Variants in MRTFB observed in about 807,000 individuals in gnomAD.
MRTFB encodes myocardin-related transcription factor B.
MRTFB carries 29 observed loss-of-function variants against 104.2 expected under a neutral mutation model. The ratio of observed to expected loss-of-function variants is 0.28; its 90% CI spans 0.21 to 0.38. The LOEUF (loss-of-function observed/expected upper bound fraction) is 0.38. Among genes scored for constraint, MRTFB ranks in the 10% least tolerant of loss-of-function variants. The probability of loss-of-function intolerance (pLI) is 1.00; values close to 1 mark genes in which losing one functional copy is unlikely to be tolerated. For synonymous variants in MRTFB, 535 were observed against 519.5 expected, an observed-to-expected ratio of 1.03 and a Z score of -0.41; for missense variants, 1,270 against 1,341.6, an observed-to-expected ratio of 0.95 and a Z score of 0.83.
intron 1 of MRTFB, among the ~76,000 whole-genome samples, chr16:14,073,649 T>C (rs1325184383): frequency 6.6e-6 from 1 of 152,194 alleles, no homozygotes; most frequent in East Asian, 1.9e-4. Context: ...AACTAAACAC[T>C]TGAATCAAGT....
chr16:14,221,893 C>T lies in MRTFB; in HGVS notation c.693+2895C>T, dbSNP rs576088296. On this transcript the variant is annotated intron_variant, in intron 8 of 16. Transcript: ENST00000571589. The stretch of plus-strand genomic sequence containing the variant: ...GCCTCCCGGGTTCAAGCGATTCTCC[C>T]GCTTCAGCCTCCCAAGTAGCTGGAA... 9.3e-5 allele frequency among the ~76,000 whole-genome samples: 14 copies of T among 151,150 alleles called. No homozygotes were observed. In the East Asian group the frequency reaches 2.3e-3, roughly 25 times the overall value.
chr16:14,022,610 T>A, the MRTFB span, among the ~76,000 whole-genome samples: 191 of 152,254 alleles, frequency 1.3e-3, no homozygotes, highest in African/African-American at 4.2e-3. Context: ...TTGGCCAGGA[T>A]GATCAAGATG....
chr16:14,080,447 A>G (rs1184173218), intron 2 of MRTFB, among the ~76,000 whole-genome samples: 1 of 152,206 alleles, frequency 6.6e-6, no homozygotes, highest in Admixed American at 6.5e-5. Flanking sequence ...AATCTAGCTA[A>G]TTATGCGTTA....
intron 1 of MRTFB, among the ~76,000 whole-genome samples, chr16:14,076,655 G>A (rs1231632248): frequency 6.6e-6 from 1 of 152,144 alleles, no homozygotes; most frequent in Non-Finnish European, 1.5e-5. Context: ...CATTATCTGT[G>A]GGATACATTC....
Position 14,263,012 on chromosome 16 carries a change from T to A in MRTFB, c.*1568T>A, listed in dbSNP as rs2043826694. The A allele has an allele frequency of 6.6e-6, 1 of 152,576 alleles. No individual in the cohort carries two copies. Among genetic ancestry groups the A allele is most frequent in the Admixed American group, 6.5e-5 (1 of 15,288 alleles). The allele number at this position is 152,576 out of a possible 1,614,324, so 9.5% of individuals were successfully genotyped here. On this transcript the variant is annotated 3_prime_UTR_variant, in exon 17 of 17. Coordinates refer to ENST00000571589, the MANE Select transcript of MRTFB (RefSeq NM_001308142.2). ...TTTGTGTTTTGCCTAAGAGCTGATC[T>A]TATTTCTGATTTGTGTGTGTGTGGT... is the stretch of plus-strand genomic sequence containing the variant.
At chr16:14,109,325 G>A (rs764406555) in intron 2 of MRTFB, among the ~76,000 whole-genome samples, 88 of 152,208 alleles carry the variant, frequency 5.8e-4, no homozygotes, top group Admixed American at 1.0e-3. Flanking sequence ...AGAATGTCTC[G>A]AAGCCACTAA....
chr16:14,145,775 C>G (rs1470756376), intron 3 of MRTFB, among the ~76,000 whole-genome samples: 2 of 152,246 alleles, frequency 1.3e-5, no homozygotes, highest in African/African-American at 4.8e-5. Context: ...ATCCATCTTT[C>G]TCACGATTTG....
intron 5 of MRTFB, among the ~76,000 whole-genome samples, chr16:14,212,952 TATTC>T (rs1407169355): frequency 6.6e-6 from 1 of 152,242 alleles, no homozygotes; most frequent in Non-Finnish European, 1.5e-5. Flanking sequence ...CCATTATGAA[TATTC>T]ATTCATTTTG....
chr16:14,098,612 G>A lies in MRTFB; in HGVS notation c.-64+19258G>A, dbSNP rs185697254. 4.6e-5 allele frequency among the ~76,000 whole-genome samples: 7 copies of A among 152,246 alleles called. 1 individual carries two copies. In the East Asian group the frequency reaches 1.3e-3, roughly 29 times the overall value. On this transcript the variant is annotated intron_variant, in intron 2 of 16. Coordinates refer to ENST00000571589, the MANE Select transcript of MRTFB (RefSeq NM_001308142.2). Reference sequence around the variant, plus strand: ...TTTATGCATTGTGTTTTTGGTGTTAGAACTAGGAGCTCCACCTAACCTGAG... The same window carrying A: ...TTTATGCATTGTGTTTTTGGTGTTAAAACTAGGAGCTCCACCTAACCTGAG...
At chr16:14,022,993 G>T in the MRTFB span, among the ~76,000 whole-genome samples, 1 of 150,942 alleles carries the variant, frequency 6.6e-6, no homozygotes, top group Non-Finnish European at 1.5e-5. Flanking sequence ...ACTGTGCCCA[G>T]CCTAATGCTG....
the MRTFB span, among the ~76,000 whole-genome samples, chr16:14,029,414 AAAAAAAT>A: frequency 2.4e-4 from 16 of 67,680 alleles, no homozygotes; most frequent in African/African-American, 6.1e-4. Context: ...TTAAAAAAAA[AAAAAAAT>A]ATATATATAT....
At chr16:14,207,024 G>A (rs180833224) in intron 3 of MRTFB, among the ~76,000 whole-genome samples, 10 of 151,658 alleles carry the variant, frequency 6.6e-5, no homozygotes, top group African/African-American at 9.7e-5. Flanking sequence ...TCCTAACGTC[G>A]CTTAAAAAAG....
At chr16:14,188,598 G>C (rs1341641110) in intron 3 of MRTFB, among the ~76,000 whole-genome samples, 2 of 152,142 alleles carry the variant, frequency 1.3e-5, no homozygotes, top group East Asian at 3.8e-4. Flanking sequence ...ATTTATACAG[G>C]TGTAATAGTA....
chr16:14,263,791 T>G lies in MRTFB; in HGVS notation c.*2347T>G, dbSNP rs554144223. ...ACCTTTATAAACCAGTATTTCACTTTTAAAAAGACAAGGCATCTCTACCCA... is the reference window on the plus strand; with the variant it reads ...ACCTTTATAAACCAGTATTTCACTTGTAAAAAGACAAGGCATCTCTACCCA... On this transcript the variant is annotated 3_prime_UTR_variant, in exon 17 of 17. Transcript: ENST00000571589. 6.6e-6 allele frequency: 1 copy of G among 152,200 alleles called. No individual in the cohort carries two copies. Among genetic ancestry groups the G allele is most frequent in the African/African-American group, 2.4e-5 (1 of 41,446 alleles). 9.4% of individuals were successfully genotyped at this position (152,200 alleles called of 1,614,324 possible). A position where few individuals can be genotyped will look rare whatever the true frequency, so the allele number is the denominator to read the frequency against.
the MRTFB span, chr16:14,009,333 A>T: frequency 6.6e-6 from 1 of 152,278 alleles, no homozygotes; most frequent in African/African-American, 2.4e-5. Context: ...CATATAGAAG[A>T]ACTACAGCTG....
intron 8 of MRTFB, among the ~76,000 whole-genome samples, chr16:14,229,255 A>C (rs1333114258): frequency 6.6e-6 from 1 of 152,146 alleles, no homozygotes; most frequent in Non-Finnish European, 1.5e-5. Flanking sequence ...ACAAATAGTC[A>C]GTGCTAGGTG....
At chr16:14,134,958 T>C (rs1348186823) in intron 2 of MRTFB, among the ~76,000 whole-genome samples, 1 of 152,248 alleles carries the variant, frequency 6.6e-6, no homozygotes. Context: ...AGATTAGATT[T>C]AGTGTCAAGC....
At chr16:14,204,113 T>C (rs534055409) in intron 3 of MRTFB, among the ~76,000 whole-genome samples, 7 of 152,002 alleles carry the variant, frequency 4.6e-5, no homozygotes, top group Admixed American at 6.6e-5. Flanking sequence ...TACAGGTGTG[T>C]GCTACCATGC....
intron 4 of MRTFB, among the ~76,000 whole-genome samples, chr16:14,211,325 A>G (rs1660354069): frequency 6.6e-6 from 1 of 152,178 alleles, no homozygotes; most frequent in South Asian, 2.1e-4. Context: ...TCAAATTATG[A>G]TATTTAAGAC....
Sources: gnomAD v4.1 joint callset for allele counts (sites outside exome capture counted in the v4.1 genomes callset) on GRCh38, gnomAD v4.1.1 for gene constraint, MANE v1.5 for transcripts, NCBI Gene and HGNC (gene_info 2026-07-23, HGNC 2026-07-21) for gene names.